Variants in TOP2A observed in about 807,000 individuals in gnomAD.
TOP2A encodes the protein DNA topoisomerase II alpha.
In TOP2A, 68 loss-of-function variants were observed where a neutral mutation model predicts 187.2. The observed-to-expected ratio is 0.36, with a 90% CI of 0.30 to 0.44. TOP2A has a LOEUF of 0.44. TOP2A is among the 20% of genes least tolerant of loss of function. The pLI, the probability that TOP2A is intolerant of heterozygous loss-of-function variation, is 1.00. For missense variants in TOP2A, 1,196 were observed against 1,808.7 expected, an observed-to-expected ratio of 0.66 and a Z score of 6.14; for synonymous variants, 542 against 593.2, an observed-to-expected ratio of 0.91 and a Z score of 1.25.
At chr17:40,413,393 C>T in intron 5 of TOP2A, 87 bp downstream of exon 5, 1 of 1,395,420 alleles carries the variant, frequency 7.2e-7, no homozygotes, top group Non-Finnish European at 9.7e-7. Flanking sequence ...AGATTTATTT[C>T]CATATCTTTA....
chr17:40,413,612 T>C lies in TOP2A; in HGVS notation c.346A>G (p.Ile116Val), dbSNP rs1371166899. 2 of 1,373,972 alleles carry C rather than the reference T, an allele frequency of 1.5e-6. No individual in the cohort carries two copies. The highest frequency in any genetic ancestry group is 1.5e-5 in the African/African-American group (1 of 68,024). 85.1% of individuals were successfully genotyped at this position (1,373,972 alleles called of 1,614,324 possible). Residue 116 changes from isoleucine (I) to valine (V), a missense_variant, in exon 5 of 35, where the codon ATT becomes GTT. Physicochemically the swap from Ile to Val is conservative, Grantham distance 29. Around this residue, in one of 10 missense-constraint regions of TOP2A, gnomAD observed 97 missense variants for 171.0 expected, o/e 0.57. Transcript: ENST00000423485. The stretch of plus-strand genomic sequence containing the variant: ...CCTTTTCCATTATTCCATATACTAA[T>C]TAAATTGTTTTCCCTAAGAAAAAAA... ...RVTIDPENNL[I>V]SIWNNGKGIP...
At chr17:40,400,775 C>T in intron 21 of TOP2A, 75 bp downstream of exon 21, 1 of 1,534,682 alleles carries the variant, frequency 6.5e-7, no homozygotes, top group Non-Finnish European at 8.9e-7. Flanking sequence ...ATGTTTGCAT[C>T]ATCTTTAATC....
intron 10 of TOP2A, chr17:40,409,525 G>A (rs559823671): frequency 2.6e-5 from 11 of 431,120 alleles, no homozygotes; most frequent in African/African-American, 1.9e-4. Flanking sequence ...TTAGGAGGCC[G>A]AGGATGGTGG....
rs2143700173 is a variant in TOP2A, at chr17:40,417,850, C to A, written c.-59G>T. The A allele has an allele frequency of 1.9e-6, 3 of 1,607,316 alleles. No homozygotes were observed. Among genetic ancestry groups the A allele is most frequent in the South Asian group, 2.2e-5 (2 of 90,468 alleles). On this transcript the variant is annotated 5_prime_UTR_variant, in exon 1 of 35. Coordinates refer to ENST00000423485, the MANE Select transcript of TOP2A (RefSeq NM_001067.4). The stretch of plus-strand genomic sequence containing the variant: ...AAGCGACTAAACAGGCAGGACCCCA[C>A]GAGACCACCCCCGACCAAGCCGCTT...
chr17:40,401,869 G>C (rs957631442), intron 20 of TOP2A, among the ~76,000 whole-genome samples: 1 of 152,162 alleles, frequency 6.6e-6, no homozygotes, highest in African/African-American at 2.4e-5. Context: ...GGCTGGAGAG[G>C]AGATGGTATG....
At chr17:40,397,750 T>C (rs1040502272) in intron 27 of TOP2A, among the ~76,000 whole-genome samples, 1 of 152,036 alleles carries the variant, frequency 6.6e-6, no homozygotes, top group African/African-American at 2.4e-5. Flanking sequence ...GGCAGTCTCC[T>C]GGTATCATTT....
rs1422531723 is a variant in TOP2A, at chr17:40,413,588, CT to C, written c.369del (p.Gly124ValfsTer23). ...NNLISIWNNGKGIPVVEHKVE... is the reference protein window; with the variant it reads ...NNLISIWNNGXGIPVVEHKVE... Reference sequence around the variant, plus strand: ...ACTTTGTGTTCAACAACAGGAATACCTTTTCCATTATTCCATATACTAATTA... The same window carrying C: ...ACTTTGTGTTCAACAACAGGAATACCTTTCCATTATTCCATATACTAATTA... On this transcript the variant is annotated frameshift_variant, in exon 5 of 35. Transcript: ENST00000423485. LOFTEE classifies it high-confidence loss of function. 3 of 1,473,296 alleles carry C rather than the reference CT, an allele frequency of 2.0e-6. No individual in the cohort carries two copies. The highest frequency in any genetic ancestry group is 2.8e-6 in the Non-Finnish European group (3 of 1,082,798). 91.3% of individuals were successfully genotyped at this position (1,473,296 alleles called of 1,614,324 possible). A position where few individuals can be genotyped will look rare whatever the true frequency, so the allele number is the denominator to read the frequency against.
At chr17:40,396,153 T>A (rs1218241748) in intron 28 of TOP2A, 130 bp downstream of exon 28, 6 of 533,036 alleles carry the variant, frequency 1.1e-5, no homozygotes, top group African/African-American at 5.8e-5. Context: ...CTAATTTTTT[T>A]AATTTTTAGT....
intron 34 of TOP2A, 42 bp downstream of exon 34, chr17:40,389,917 TGTTTCA>T (rs1434072282): frequency 6.5e-7 from 1 of 1,544,886 alleles, no homozygotes; most frequent in South Asian, 1.2e-5. Flanking sequence ...CTTAGTTACG[TGTTTCA>T]GAACATCTAC....
At position 40,411,520 on chromosome 17, in the gene TOP2A, A is replaced by C; in HGVS notation, c.964-65T>G. 1.9e-6 allele frequency: 3 copies of C among 1,579,260 alleles called. No individual in the cohort carries two copies. The highest frequency in any genetic ancestry group is 2.7e-5 in the African/African-American group (2 of 74,274). ...TCAAAATTATAATAATCAAACATTAAAAACTAATTTAACCTCCTTTATACT... is the reference window on the plus strand; with the variant it reads ...TCAAAATTATAATAATCAAACATTACAAACTAATTTAACCTCCTTTATACT... On this transcript the variant is annotated intron_variant, in intron 8 of 34. Transcript: ENST00000423485. The surrounding 1 kb of genome is among the most constrained non-coding windows in gnomAD (Gnocchi z 4.4).
chr17:40,416,985 G>T, intron 1 of TOP2A, 90 bp from the exon 2 acceptor site: 1 of 1,121,000 alleles, frequency 8.9e-7, no homozygotes, highest in Non-Finnish European at 1.3e-6. Flanking sequence ...ATAGTGAGAT[G>T]TCAACATGCA....
At position 40,403,062 on chromosome 17, in the gene TOP2A, GAAA is replaced by G; in HGVS notation, c.2284-11_2284-9del. ...GGTCATCATTAGTGACATCTGTGGG[GAAA>G]AAAAGATTCATTAAGCTGAGGCTTT... is the stretch of plus-strand genomic sequence containing the variant. On this transcript the variant is annotated splice_polypyrimidine_tract_variant and intron_variant, in intron 19 of 34. Coordinates refer to ENST00000423485, the MANE Select transcript of TOP2A (RefSeq NM_001067.4). 1 of 1,584,004 alleles carries G rather than the reference GAAA, an allele frequency of 6.3e-7. No homozygotes were observed.
At chr17:40,389,678 A>G in intron 34 of TOP2A, 31 bp from the exon 35 acceptor site, 8 of 1,596,452 alleles carry the variant, frequency 5.0e-6, no homozygotes, top group African/African-American at 4.0e-5. Flanking sequence ...TAACTTGCAC[A>G]TTGTAAATCT....
At position 40,416,403 on chromosome 17, in the gene TOP2A, T is replaced by C; in HGVS notation, c.268+19A>G. 1 of 1,445,324 alleles carries C rather than the reference T, an allele frequency of 6.9e-7. No individual in the cohort carries two copies. Among genetic ancestry groups the C allele is most frequent in the Non-Finnish European group, 9.5e-7 (1 of 1,050,814 alleles). 89.5% of individuals were successfully genotyped at this position (1,445,324 alleles called of 1,614,324 possible). ...TATGAAAGATTTGACCAGATCTTTA[T>C]ATTAAAGGATTTACTCACCTAGAAT... On this transcript the variant is annotated intron_variant, in intron 3 of 34. Transcript: ENST00000423485.
At chr17:40,416,668 C>T in intron 2 of TOP2A, 72 bp downstream of exon 2, 2 of 1,551,124 alleles carry the variant, frequency 1.3e-6, no homozygotes, top group African/African-American at 1.4e-5. Flanking sequence ...ACACTCAGTA[C>T]ATGAAAGGTA....
chr17:40,389,852 A>C, intron 34 of TOP2A, 113 bp downstream of exon 34: 1 of 1,279,936 alleles, frequency 7.8e-7, no homozygotes, highest in Non-Finnish European at 1.1e-6. Context: ...GTAAAAGCTA[A>C]CAGAATATGA....
chr17:40,389,853 CAGAATATG>C (rs577686507), intron 34 of TOP2A, 104 bp downstream of exon 34: 512 of 1,282,048 alleles, frequency 4.0e-4, no homozygotes, highest in Non-Finnish European at 5.2e-4. Flanking sequence ...TAAAAGCTAA[CAGAATATG>C]AGAGTTAATT....
Position 40,411,019 on chromosome 17 carries a change from A to T in TOP2A, c.1203+90T>A. On this transcript the variant is annotated intron_variant, in intron 10 of 34. Transcript: ENST00000423485. This position sits in a 1 kb window ranked among gnomAD's most constrained non-coding sequence, Gnocchi z 4.4. ...TTGGGAAGACTTGGAGAAGCTCACT[A>T]TGAGAAGAATCATTGTTTCTGCAGA... The T allele has an allele frequency of 2.3e-6, 3 of 1,319,850 alleles. No homozygotes were observed. The highest frequency in any genetic ancestry group is 3.0e-6 in the Non-Finnish European group (3 of 989,818). 81.8% of individuals were successfully genotyped at this position (1,319,850 alleles called of 1,614,324 possible). A position where few individuals can be genotyped will look rare whatever the true frequency, so the allele number is the denominator to read the frequency against.
chr17:40,404,994 T>TA, intron 16 of TOP2A, 111 bp from the exon 17 acceptor site: 1 of 631,952 alleles, frequency 1.6e-6, no homozygotes. Flanking sequence ...GTTTTCCTTT[T>TA]TTTTTTTTTT....
Sources: allele counts gnomAD v4.1 joint callset (sites outside exome capture counted in the v4.1 genomes callset), GRCh38; gene constraint gnomAD v4.1.1; regional missense constraint gnomAD v4.1.1; non-coding constraint Gnocchi (gnomAD v3.1); transcripts MANE v1.5; gene names NCBI Gene and HGNC (gene_info 2026-07-23, HGNC 2026-07-21).